Variants in ZNF704 observed in about 807,000 individuals in gnomAD.
ZNF704 encodes the protein zinc finger protein 704, also known as glucocorticoid induced gene 1.
In ZNF704, 10 loss-of-function variants were observed where a neutral mutation model predicts 44.7. That is an observed-to-expected ratio of 0.22 (90% CI 0.14 to 0.38). ZNF704 has a LOEUF of 0.38. ZNF704 is among the 10% of genes least tolerant of loss of function. The pLI is 1.00. For synonymous variants in ZNF704, 211 were observed against 207.6 expected (o/e 1.02, Z -0.14); for missense variants, 390 against 545.5 (o/e 0.71, Z 2.84).
chr8:80,755,843 C>T (rs1219751372), intron 2 of ZNF704, among the ~76,000 whole-genome samples: 1 of 152,120 alleles, frequency 6.6e-6, no homozygotes, highest in Admixed American at 6.5e-5. Context: ...CAGTGGCTCA[C>T]ATCTGTAATT....
intron 2 of ZNF704, among the ~76,000 whole-genome samples, chr8:80,757,195 T>C (rs947311956): frequency 6.6e-6 from 1 of 152,196 alleles, no homozygotes; most frequent in East Asian, 1.9e-4. Context: ...GACAGCTCCA[T>C]GCATGTTATT....
At chr8:80,844,945 G>T (rs1808744914) in intron 1 of ZNF704, among the ~76,000 whole-genome samples, 1 of 151,834 alleles carries the variant, frequency 6.6e-6, no homozygotes, top group African/African-American at 2.4e-5. Flanking sequence ...CTCCCAAAGT[G>T]CTGGTATTAC....
intron 2 of ZNF704, among the ~76,000 whole-genome samples, chr8:80,745,090 C>G (rs1459940909): frequency 1.3e-5 from 2 of 152,124 alleles, no homozygotes; most frequent in African/African-American, 2.4e-5. Flanking sequence ...TAAGAGGACA[C>G]CCATTTCTTC....
rs142679676 is a variant in ZNF704 at position 80,717,143 on chromosome 8, T to C, written c.222-24036A>G. 8.5e-5 allele frequency among the ~76,000 whole-genome samples: 13 copies of C among 152,340 alleles called. No homozygotes were observed. In the East Asian group the frequency reaches 2.5e-3, roughly 29 times the overall value. The stretch of plus-strand genomic sequence containing the variant: ...AAGTAGAAAATACATGTGTGAAATG[T>C]CTTAAATCCAACTGTAGTCCACCCA... On this transcript the variant is annotated intron_variant, in intron 2 of 8. Coordinates refer to ENST00000327835, the MANE Select transcript of ZNF704 (RefSeq NM_001033723.3).
intron 2 of ZNF704, among the ~76,000 whole-genome samples, chr8:80,781,818 AAC>A (rs761993199): frequency 3.9e-4 from 59 of 152,208 alleles, no homozygotes; most frequent in Non-Finnish European, 8.1e-4. Flanking sequence ...GTGATTGGCA[AAC>A]ACAGCTTATC....
intron 1 of ZNF704, among the ~76,000 whole-genome samples, chr8:80,841,446 A>T: frequency 6.6e-6 from 1 of 151,294 alleles, no homozygotes; most frequent in South Asian, 2.1e-4. Flanking sequence ...CCCAACACAT[A>T]TTTTTCAATC....
At chr8:80,861,370 ACTT>A (rs1381467509) in intron 1 of ZNF704, among the ~76,000 whole-genome samples, 1 of 151,596 alleles carries the variant, frequency 6.6e-6, no homozygotes, top group Non-Finnish European at 1.5e-5. Flanking sequence ...CCTTTCCTCC[ACTT>A]CTTTTTTTTC....
At position 80,637,374 on chromosome 8, in the gene ZNF704, T is replaced by C. The variant is rs1483436069; in HGVS notation, c.*3992A>G. The C allele has an allele frequency of 2.0e-5, 3 of 152,224 alleles. No homozygotes were observed. The highest frequency in any genetic ancestry group is 2.9e-5 in the Non-Finnish European group (2 of 68,042). 9.4% of individuals were successfully genotyped at this position (152,224 alleles called of 1,614,324 possible). On this transcript the variant is annotated 3_prime_UTR_variant, in exon 9 of 9. Transcript: ENST00000327835. The stretch of plus-strand genomic sequence containing the variant: ...ACTATTCTCAAGGTATTCTCTGTTA[T>C]ATGTACAATTCTGGCCACTTTTCTC...
Position 80,706,900 on chromosome 8 carries a change from C to G in ZNF704, c.222-13793G>C, listed in dbSNP as rs188693067. Reference sequence around the variant, plus strand: ...TTACACTGTGAAGAGCGGGACAAACCGATGAGTGACAGACTACTGAATCAA... The same window carrying G: ...TTACACTGTGAAGAGCGGGACAAACGGATGAGTGACAGACTACTGAATCAA... On this transcript the variant is annotated intron_variant, in intron 2 of 8. Transcript: ENST00000327835. Among the ~76,000 whole-genome samples the G allele has an allele frequency of 1.6e-3, 249 of 152,274 alleles. 1 individual carries two copies. Among genetic ancestry groups the G allele is most frequent in the Non-Finnish European group, 1.7e-3 (115 of 68,026 alleles).
At chr8:80,842,521 C>T (rs1808698520) in intron 1 of ZNF704, among the ~76,000 whole-genome samples, 1 of 152,116 alleles carries the variant, frequency 6.6e-6, no homozygotes, top group Non-Finnish European at 1.5e-5. Flanking sequence ...TGGGAGAGAA[C>T]AGGGCTTTGC....
At position 80,659,868 on chromosome 8, in the gene ZNF704, A is replaced by C. The variant is rs138196266; in HGVS notation, c.928-179T>G. 2.2e-3 allele frequency among the ~76,000 whole-genome samples: 335 copies of C among 152,318 alleles called. 1 individual carries two copies. The highest frequency in any genetic ancestry group is 7.7e-3 in the African/African-American group (321 of 41,558). ...GGGAGTAGCCAGAAATAAACTTTGT[A>C]TATATACCTAAGCAAGCTATCTAAG... On this transcript the variant is annotated intron_variant, in intron 6 of 8. Coordinates refer to ENST00000327835, the MANE Select transcript of ZNF704 (RefSeq NM_001033723.3).
intron 6 of ZNF704, among the ~76,000 whole-genome samples, chr8:80,663,383 A>C (rs1424595767): frequency 6.7e-6 from 1 of 149,072 alleles, no homozygotes; most frequent in Admixed American, 6.6e-5. Flanking sequence ...AAAAAAAAAA[A>C]GTAACTTCTG....
intron 1 of ZNF704, among the ~76,000 whole-genome samples, chr8:80,849,728 T>A (rs998420083): frequency 6.6e-6 from 1 of 152,234 alleles, no homozygotes; most frequent in Non-Finnish European, 1.5e-5. Context: ...GGTGATGGAT[T>A]TTCAGGCTCT....
intron 1 of ZNF704, among the ~76,000 whole-genome samples, chr8:80,853,163 C>T (rs1360211304): frequency 1.3e-5 from 2 of 152,118 alleles, no homozygotes; most frequent in African/African-American, 2.4e-5. Flanking sequence ...CCCAGGAGTT[C>T]GATACCAGCC....
chr8:80,830,753 C>CTT (rs772059759), intron 1 of ZNF704, among the ~76,000 whole-genome samples: 80 of 89,108 alleles, frequency 9.0e-4, no homozygotes, highest in Middle Eastern at 7.9e-3. Flanking sequence ...GTGTTTCTTT[C>CTT]TTTTTTTTTT....
At chr8:80,744,573 C>T (rs1026006598) in intron 2 of ZNF704, among the ~76,000 whole-genome samples, 1 of 152,158 alleles carries the variant, frequency 6.6e-6, no homozygotes, top group Non-Finnish European at 1.5e-5. Flanking sequence ...CGTGTCATCC[C>T]TGCTAAGTTT....
chr8:80,733,616 T>C (rs560423605), intron 2 of ZNF704, among the ~76,000 whole-genome samples: 4 of 152,196 alleles, frequency 2.6e-5, no homozygotes, highest in Non-Finnish European at 4.4e-5. Context: ...CTCCCAGCTT[T>C]GGTTGGTTTC....
the ZNF704 span, among the ~76,000 whole-genome samples, chr8:80,880,600 G>A: frequency 6.6e-6 from 1 of 152,036 alleles, no homozygotes; most frequent in South Asian, 2.1e-4. Flanking sequence ...TGCACATGGT[G>A]GTATATAACT....
intron 2 of ZNF704, among the ~76,000 whole-genome samples, chr8:80,712,636 T>C (rs919517020): frequency 2.0e-5 from 3 of 151,966 alleles, no homozygotes; most frequent in South Asian, 2.1e-4. Context: ...CTGATGAGGA[T>C]AGATTTCAGA....
Sources: allele counts gnomAD v4.1 joint callset (sites outside exome capture counted in the v4.1 genomes callset), GRCh38; gene constraint gnomAD v4.1.1; transcripts MANE v1.5; gene names NCBI Gene and HGNC (gene_info 2026-07-23, HGNC 2026-07-21).